Variants in PABPC4L observed in about 807,000 individuals in gnomAD.
The protein encoded by PABPC4L is poly(A) binding protein cytoplasmic 4 like.
For synonymous variants in PABPC4L, 169 were observed against 164.1 expected, an observed-to-expected ratio of 1.03 and a Z score of -0.23; for missense variants, 452 against 451.4, an observed-to-expected ratio of 1.00 and a Z score of -0.01.
chr4:134,145,028 T>C, the PABPC4L span, among the ~76,000 whole-genome samples: 1 of 151,896 alleles, frequency 6.6e-6, no homozygotes, highest in East Asian at 1.9e-4. Flanking sequence ...TAACTTTCTA[T>C]AGTACGTTCA....
At chr4:134,088,793 A>C in the PABPC4L span, among the ~76,000 whole-genome samples, 1 of 152,092 alleles carries the variant, frequency 6.6e-6, no homozygotes, top group Non-Finnish European at 1.5e-5. Context: ...CTCATTTCAG[A>C]TATTTTGTTA....
At chr4:133,987,288 G>T in the PABPC4L span, among the ~76,000 whole-genome samples, 2 of 152,124 alleles carry the variant, frequency 1.3e-5, no homozygotes, top group African/African-American at 4.8e-5. Flanking sequence ...TAAGCTGCAA[G>T]GCTTATCAAG....
chr4:134,091,030 G>A, the PABPC4L span, among the ~76,000 whole-genome samples: 1 of 151,734 alleles, frequency 6.6e-6, no homozygotes, highest in Non-Finnish European at 1.5e-5. Flanking sequence ...CCTGTGCAGT[G>A]ATATAAGAAA....
chr4:134,125,743 A>G, the PABPC4L span, among the ~76,000 whole-genome samples: 2 of 152,174 alleles, frequency 1.3e-5, no homozygotes, highest in Admixed American at 1.3e-4. Context: ...GTGCATTAGT[A>G]AAAAACAAAG....
the PABPC4L span, among the ~76,000 whole-genome samples, chr4:134,103,393 A>T: frequency 6.6e-6 from 1 of 151,644 alleles, no homozygotes; most frequent in Non-Finnish European, 1.5e-5. Flanking sequence ...GAAGTTGAAG[A>T]TCAAGGTGTC....
chr4:134,117,283 G>C, the PABPC4L span, among the ~76,000 whole-genome samples: 1 of 151,780 alleles, frequency 6.6e-6, no homozygotes, highest in Non-Finnish European at 1.5e-5. Context: ...CAGAGAAAAA[G>C]TAATTCTCTG....
chr4:134,140,107 TAA>T, the PABPC4L span, among the ~76,000 whole-genome samples: 1 of 151,804 alleles, frequency 6.6e-6, no homozygotes. Flanking sequence ...TCAAAGAATA[TAA>T]AGTTTTAGTT....
At chr4:134,073,796 G>A in the PABPC4L span, among the ~76,000 whole-genome samples, 5 of 152,154 alleles carry the variant, frequency 3.3e-5, no homozygotes, top group Non-Finnish European at 5.9e-5. Context: ...CCAACACATG[G>A]AATTTGCACC....
chr4:134,140,795 T>C, the PABPC4L span, among the ~76,000 whole-genome samples: 1 of 151,628 alleles, frequency 6.6e-6, no homozygotes, highest in Non-Finnish European at 1.5e-5. Context: ...TTTTGGACAA[T>C]GGAATGCACT....
the PABPC4L span, among the ~76,000 whole-genome samples, chr4:133,969,904 C>T: frequency 6.6e-6 from 1 of 151,968 alleles, no homozygotes; most frequent in African/African-American, 2.4e-5. Context: ...AAAACAGTTC[C>T]TAAAATTGCT....
the PABPC4L span, among the ~76,000 whole-genome samples, chr4:133,994,865 T>A: frequency 6.6e-6 from 1 of 152,178 alleles, no homozygotes; most frequent in Non-Finnish European, 1.5e-5. Flanking sequence ...GTGATCACAC[T>A]GATTCCTTTA....
chr4:134,027,992 A>C, the PABPC4L span, among the ~76,000 whole-genome samples: 1 of 152,138 alleles, frequency 6.6e-6, no homozygotes. Context: ...TTTGTTAGGC[A>C]GCATTAGATA....
the PABPC4L span, among the ~76,000 whole-genome samples, chr4:133,988,773 C>A: frequency 2.6e-5 from 4 of 152,176 alleles, no homozygotes; most frequent in Admixed American, 6.5e-5. Context: ...TGTGGGTGCA[C>A]CAACCCCACA....
At chr4:134,046,517 T>A in the PABPC4L span, among the ~76,000 whole-genome samples, 8 of 151,984 alleles carry the variant, frequency 5.3e-5, no homozygotes, top group African/African-American at 1.9e-4. Context: ...TTATCTCAAC[T>A]GCAAAGAGGC....
At chr4:134,066,306 A>G in the PABPC4L span, among the ~76,000 whole-genome samples, 1 of 151,924 alleles carries the variant, frequency 6.6e-6, no homozygotes, top group African/African-American at 2.4e-5. Flanking sequence ...TTTTGTGGCT[A>G]TTGTAGAAGG....
the PABPC4L span, among the ~76,000 whole-genome samples, chr4:133,964,148 G>A: frequency 6.6e-6 from 1 of 151,992 alleles, no homozygotes; most frequent in Non-Finnish European, 1.5e-5. Context: ...TATTACAACT[G>A]ACACCACAGA....
chr4:134,192,772 C>T (rs1729547418), downstream of PABPC4L, among the ~76,000 whole-genome samples: 1 of 152,008 alleles, frequency 6.6e-6, no homozygotes, highest in African/African-American at 2.4e-5. Context: ...CAAGAGGATT[C>T]ATGCTGTATG....
the PABPC4L span, among the ~76,000 whole-genome samples, chr4:134,151,530 G>T: frequency 6.6e-6 from 1 of 151,874 alleles, no homozygotes; most frequent in African/African-American, 2.4e-5. Context: ...TTTCAGAATG[G>T]TAACTTATAA....
chr4:134,167,602 T>C, the PABPC4L span, among the ~76,000 whole-genome samples: 1 of 151,422 alleles, frequency 6.6e-6, no homozygotes, highest in Non-Finnish European at 1.5e-5. Context: ...CTATATTTCA[T>C]GCAAAGGAAA....
Sources: allele counts gnomAD v4.1 joint callset (sites outside exome capture counted in the v4.1 genomes callset), GRCh38; gene constraint gnomAD v4.1.1; transcripts MANE v1.5; gene names NCBI Gene and HGNC (gene_info 2026-07-23, HGNC 2026-07-21).